Variants in CNTNAP2 observed in about 807,000 individuals in gnomAD.
The protein encoded by CNTNAP2 is contactin-associated protein-like 2.
In CNTNAP2, 98 loss-of-function variants were observed where a neutral mutation model predicts 155.2. The ratio of observed to expected loss-of-function variants is 0.63; its 90% CI spans 0.54 to 0.75. CNTNAP2 has a LOEUF of 0.75. Ranked by LOEUF, CNTNAP2 falls within the 30% of genes least tolerant of loss-of-function variation. The pLI is 0.00. For synonymous variants in CNTNAP2, 651 were observed against 631.2 expected (o/e 1.03, Z -0.47); for missense variants, 1,727 against 1,688.1 (o/e 1.02, Z -0.40).
chr7:147,615,277 CAAAAAAAAAAAAAA>C (rs58247626), intron 12 of CNTNAP2, among the ~76,000 whole-genome samples: 12 of 28,048 alleles, frequency 4.3e-4, no homozygotes, highest in Admixed American at 1.6e-3. Context: ...GACCCTGTCT[CAAAAAAAAAAAAAA>C]AAAAAAAAAA....
At chr7:147,391,811 G>C (rs1796723179) in intron 9 of CNTNAP2, among the ~76,000 whole-genome samples, 4 of 151,904 alleles carry the variant, frequency 2.6e-5, no homozygotes. Context: ...CTTAGATCAT[G>C]TTTTCCTGGA....
At chr7:147,644,369 C>T (rs1025600344) in intron 13 of CNTNAP2, among the ~76,000 whole-genome samples, 1 of 152,086 alleles carries the variant, frequency 6.6e-6, no homozygotes, top group African/African-American at 2.4e-5. Flanking sequence ...GCCTGTAATC[C>T]CAGCACTTTG....
At chr7:147,947,619 A>C (rs941331924) in intron 14 of CNTNAP2, among the ~76,000 whole-genome samples, 1 of 152,090 alleles carries the variant, frequency 6.6e-6, no homozygotes, top group Admixed American at 6.6e-5. Flanking sequence ...TGACAGAGAA[A>C]GACCCTGTCT....
intron 4 of CNTNAP2, among the ~76,000 whole-genome samples, chr7:147,068,090 T>C (rs1584816209): frequency 6.6e-6 from 1 of 152,164 alleles, no homozygotes; most frequent in East Asian, 1.9e-4. Context: ...TCTTCAGGGA[T>C]GGCAGGAGAG....
intron 2 of CNTNAP2, among the ~76,000 whole-genome samples, chr7:146,810,416 T>A (rs1156358671): frequency 6.6e-6 from 1 of 151,986 alleles, no homozygotes; most frequent in East Asian, 1.9e-4. Context: ...TAGGTTAAAT[T>A]TATTCCTGAG....
intron 8 of CNTNAP2, among the ~76,000 whole-genome samples, chr7:147,144,290 C>T (rs534392259): frequency 6.0e-4 from 92 of 152,274 alleles, no homozygotes; most frequent in African/African-American, 2.1e-3. Context: ...CGAGACATTA[C>T]GTGTGGACAC....
chr7:146,171,523 A>C (rs897772631), intron 1 of CNTNAP2, among the ~76,000 whole-genome samples: 1 of 152,130 alleles, frequency 6.6e-6, no homozygotes, highest in Non-Finnish European at 1.5e-5. Flanking sequence ...TTATAGGTTC[A>C]AGGTTTGTTT....
At chr7:146,854,493 T>C (rs1794938262) in intron 3 of CNTNAP2, among the ~76,000 whole-genome samples, 1 of 152,084 alleles carries the variant, frequency 6.6e-6, no homozygotes, top group Non-Finnish European at 1.5e-5. Context: ...TTGGAATAGC[T>C]CTCTAGTACC....
intron 9 of CNTNAP2, among the ~76,000 whole-genome samples, chr7:147,362,837 T>C (rs35609387): frequency 0.24 from 36,619 of 152,100 alleles, 4,859 homozygotes; most frequent in Non-Finnish European, 0.3. Context: ...AATTTTTGTA[T>C]ATTTCCCTAA....
chr7:147,043,501 T>C (rs1315753911), intron 3 of CNTNAP2, among the ~76,000 whole-genome samples: 1 of 152,218 alleles, frequency 6.6e-6, no homozygotes, highest in African/African-American at 2.4e-5. Context: ...AATGTTATCT[T>C]TAAATTTCTA....
intron 1 of CNTNAP2, among the ~76,000 whole-genome samples, chr7:146,263,783 T>A (rs1799955348): frequency 1.3e-5 from 2 of 152,064 alleles, no homozygotes; most frequent in African/African-American, 4.8e-5. Context: ...GACCTCTAAG[T>A]GCAAGTATAA....
intron 13 of CNTNAP2, among the ~76,000 whole-genome samples, chr7:147,751,039 C>G (rs1797126614): frequency 6.6e-6 from 1 of 150,544 alleles, no homozygotes; most frequent in South Asian, 2.1e-4. Context: ...GACTCCGTCT[C>G]AAAAATAAAA....
chr7:146,747,537 C>G (rs912600642), intron 1 of CNTNAP2, among the ~76,000 whole-genome samples: 1 of 152,112 alleles, frequency 6.6e-6, no homozygotes, highest in Admixed American at 6.6e-5. Flanking sequence ...ACTCCTTAAT[C>G]ATCATCATAC....
intron 2 of CNTNAP2, among the ~76,000 whole-genome samples, chr7:146,812,905 A>C (rs1009205256): frequency 5.9e-5 from 9 of 152,076 alleles, no homozygotes; most frequent in African/African-American, 1.7e-4. Flanking sequence ...AGCTATGGCT[A>C]AAAAGGGCCA....
chr7:148,112,343 A>G (rs1218544921), intron 15 of CNTNAP2, among the ~76,000 whole-genome samples: 2 of 152,046 alleles, frequency 1.3e-5, no homozygotes, highest in African/African-American at 2.4e-5. Context: ...AAGAAAATAC[A>G]AGTAGATTTT....
chr7:146,522,726 A>G (rs1468643497), intron 1 of CNTNAP2, among the ~76,000 whole-genome samples: 2 of 150,846 alleles, frequency 1.3e-5, no homozygotes, highest in Non-Finnish European at 3.0e-5. Context: ...GCTAGCAAAT[A>G]ATGTTATGCA....
rs147235754 is a variant in CNTNAP2 at position 147,904,232 on chromosome 7, T to C, written c.2255+511T>C. Among the ~76,000 whole-genome samples, 420 of 152,360 alleles carry C rather than the reference T, an allele frequency of 2.8e-3. 1 individual carries two copies. Among genetic ancestry groups the C allele is most frequent in the Non-Finnish European group, 4.8e-3 (328 of 68,022 alleles). On this transcript the variant is annotated intron_variant, in intron 14 of 23. Coordinates refer to ENST00000361727, the MANE Select transcript of CNTNAP2 (RefSeq NM_014141.6). Reference sequence around the variant, plus strand: ...TGTCTTCTGTAAGTGCTTGCCTGTCTACTTTTCTTTCATACCTGGAATTGT... The same window carrying C: ...TGTCTTCTGTAAGTGCTTGCCTGTCCACTTTTCTTTCATACCTGGAATTGT...
intron 1 of CNTNAP2, among the ~76,000 whole-genome samples, chr7:146,747,287 C>G (rs1200968457): frequency 6.6e-6 from 1 of 151,978 alleles, no homozygotes; most frequent in Non-Finnish European, 1.5e-5. Context: ...CATCACTTTT[C>G]AGAGAAAAAA....
At chr7:146,704,666 A>G (rs2129173990) in intron 1 of CNTNAP2, among the ~76,000 whole-genome samples, 1 of 152,272 alleles carries the variant, frequency 6.6e-6, no homozygotes, top group African/African-American at 2.4e-5. Context: ...TCAATTGGTT[A>G]ACCAAATAGT....
Sources: gnomAD v4.1 joint callset for allele counts (sites outside exome capture counted in the v4.1 genomes callset) on GRCh38, gnomAD v4.1.1 for gene constraint, MANE v1.5 for transcripts, NCBI Gene and HGNC (gene_info 2026-07-23, HGNC 2026-07-21) for gene names.